The following TAFA1 variants were observed in gnomAD, a reference collection of about 807,000 sequenced individuals.
TAFA1 encodes the protein chemokine-like protein TAFA-1.
A neutral mutation model predicts 18.5 loss-of-function variants in TAFA1; 4 were observed. That is an observed-to-expected ratio of 0.22 (90% CI 0.11 to 0.49). TAFA1 has a LOEUF of 0.49. Ranked by LOEUF, TAFA1 falls within the 20% of genes least tolerant of loss-of-function variation. The probability of loss-of-function intolerance (pLI) is 0.98; values close to 1 mark genes in which losing one functional copy is unlikely to be tolerated. For synonymous variants in TAFA1, 56 were observed against 55.2 expected (o/e 1.01, Z -0.06); for missense variants, 147 against 169.0 (o/e 0.87, Z 0.72).
At chr3:68,534,128 G>GA (rs1407904242) in intron 3 of TAFA1, among the ~76,000 whole-genome samples, 2 of 151,762 alleles carry the variant, frequency 1.3e-5, no homozygotes, top group Non-Finnish European at 1.5e-5. Context: ...ATCTGTAGAG[G>GA]AAAAAAAAGT....
In TAFA1 at chr3:68,047,872, C is replaced by G. The variant is rs529369102; in HGVS notation, c.118+41128C>G. Among the ~76,000 whole-genome samples the G allele has an allele frequency of 4.1e-4, 62 of 152,224 alleles. 1 individual carries two copies. Among genetic ancestry groups the G allele is most frequent in the African/African-American group, 3.9e-4 (16 of 41,554 alleles). Reference sequence around the variant, plus strand: ...ATTTTAGAAGCTTCTGACTCCATCACTCTCCTACGAGAGAGGGAGACTCAA... The same window carrying G: ...ATTTTAGAAGCTTCTGACTCCATCAGTCTCCTACGAGAGAGGGAGACTCAA... On this transcript the variant is annotated intron_variant, in intron 2 of 4. Transcript: ENST00000478136.
chr3:68,169,729 T>C (rs992974189), intron 2 of TAFA1, among the ~76,000 whole-genome samples: 2 of 152,228 alleles, frequency 1.3e-5, no homozygotes, highest in African/African-American at 4.8e-5. Flanking sequence ...TGAATATTTT[T>C]AGAGAAAAGT....
intron 3 of TAFA1, among the ~76,000 whole-genome samples, chr3:68,483,040 G>A (rs1575910333): frequency 1.3e-5 from 2 of 152,132 alleles, no homozygotes; most frequent in Non-Finnish European, 1.5e-5. Flanking sequence ...GCCAGACATA[G>A]GGAAGACAGA....
At chr3:68,205,813 T>A (rs1454881488) in intron 2 of TAFA1, among the ~76,000 whole-genome samples, 1 of 151,804 alleles carries the variant, frequency 6.6e-6, no homozygotes, top group Non-Finnish European at 1.5e-5. Flanking sequence ...AATATGAAAA[T>A]ATATTAGGTA....
At chr3:68,223,816 G>C (rs1282937638) in intron 2 of TAFA1, among the ~76,000 whole-genome samples, 1 of 151,968 alleles carries the variant, frequency 6.6e-6, no homozygotes, top group African/African-American at 2.4e-5. Flanking sequence ...AGCAATCTTG[G>C]GCTGAAATCT....
chr3:68,475,562 T>G (rs990758196), intron 3 of TAFA1, among the ~76,000 whole-genome samples: 9 of 152,206 alleles, frequency 5.9e-5, no homozygotes, highest in African/African-American at 2.2e-4. Context: ...TCTATCATTG[T>G]TGGACATTTG....
chr3:68,442,125 C>G (rs1473809808), intron 3 of TAFA1, among the ~76,000 whole-genome samples: 2 of 152,132 alleles, frequency 1.3e-5, no homozygotes, highest in Non-Finnish European at 2.9e-5. Context: ...ACCACCACCC[C>G]ACTCCTTATA....
intron 3 of TAFA1, among the ~76,000 whole-genome samples, chr3:68,488,132 T>C (rs1262096896): frequency 6.6e-6 from 1 of 152,114 alleles, no homozygotes; most frequent in Admixed American, 6.5e-5. Flanking sequence ...AAGGGGAGTT[T>C]ATTAAGGAGT....
intron 2 of TAFA1, among the ~76,000 whole-genome samples, chr3:68,034,193 G>T (rs1704997142): frequency 6.6e-6 from 1 of 152,158 alleles, no homozygotes. Context: ...AATGACCCAT[G>T]TGATTTTAGC....
At chr3:68,021,452 G>A (rs371539432) in intron 2 of TAFA1, among the ~76,000 whole-genome samples, 2 of 152,094 alleles carry the variant, frequency 1.3e-5, no homozygotes, top group South Asian at 4.1e-4. Context: ...TTCAATAATT[G>A]TGTTGTTCTT....
At chr3:68,384,985 C>A (rs1014963083) in intron 2 of TAFA1, among the ~76,000 whole-genome samples, 12 of 151,992 alleles carry the variant, frequency 7.9e-5, no homozygotes, top group African/African-American at 2.9e-4. Flanking sequence ...GGATTGAAAT[C>A]ATTACTTTTT....
At chr3:68,084,661 G>A (rs539938948) in intron 2 of TAFA1, among the ~76,000 whole-genome samples, 9 of 152,050 alleles carry the variant, frequency 5.9e-5, no homozygotes, top group Non-Finnish European at 8.8e-5. Flanking sequence ...AGCTGGGCGC[G>A]GTGGCAGGCG....
At chr3:68,133,045 C>T (rs536635016) in intron 2 of TAFA1, among the ~76,000 whole-genome samples, 94 of 152,188 alleles carry the variant, frequency 6.2e-4, no homozygotes, top group African/African-American at 2.1e-3. Context: ...AATTTTTGTA[C>T]AAGGTGTAAG....
At chr3:68,287,430 T>C (rs539280877) in intron 2 of TAFA1, among the ~76,000 whole-genome samples, 1 of 152,214 alleles carries the variant, frequency 6.6e-6, no homozygotes, top group South Asian at 2.1e-4. Flanking sequence ...TGAGTTCCAT[T>C]TGGGGTTGAA....
intron 2 of TAFA1, among the ~76,000 whole-genome samples, chr3:68,022,460 T>C (rs967840839): frequency 1.3e-5 from 2 of 152,100 alleles, no homozygotes; most frequent in Non-Finnish European, 1.5e-5. Context: ...CATCCTTCTT[T>C]CCTTTCTTGG....
chr3:68,130,627 C>T (rs2065524374), intron 2 of TAFA1, among the ~76,000 whole-genome samples: 1 of 152,196 alleles, frequency 6.6e-6, no homozygotes, highest in Admixed American at 6.5e-5. Context: ...CTACAAAGCC[C>T]TTTCTGTCTG....
intron 2 of TAFA1, among the ~76,000 whole-genome samples, chr3:68,372,827 A>G (rs187383027): frequency 6.6e-6 from 1 of 152,238 alleles, no homozygotes; most frequent in Non-Finnish European, 1.5e-5. Context: ...AGTGAAAGCC[A>G]CTAAAGAATA....
chr3:68,343,482 C>T (rs1344895533), intron 2 of TAFA1, among the ~76,000 whole-genome samples: 4 of 152,132 alleles, frequency 2.6e-5, no homozygotes, highest in African/African-American at 9.7e-5. Flanking sequence ...TCTCTTCAGA[C>T]TTGTAGGTAA....
intron 3 of TAFA1, among the ~76,000 whole-genome samples, chr3:68,430,567 G>T (rs1480148854): frequency 6.6e-6 from 1 of 151,974 alleles, no homozygotes; most frequent in Non-Finnish European, 1.5e-5. Context: ...AATTTTGTGA[G>T]TGAGGAGACA....
Sources: allele counts gnomAD v4.1 joint callset (sites outside exome capture counted in the v4.1 genomes callset), GRCh38; gene constraint gnomAD v4.1.1; transcripts MANE v1.5; gene names NCBI Gene and HGNC (gene_info 2026-07-23, HGNC 2026-07-21).